KIFC3: variants seen among roughly 807,000 people sequenced by gnomAD.
KIFC3 encodes the protein kinesin-like protein KIFC3.
In KIFC3, 60 loss-of-function variants were observed where a neutral mutation model predicts 101.8. The ratio of observed to expected loss-of-function variants is 0.59; its 90% CI spans 0.48 to 0.73. KIFC3 has a LOEUF of 0.73. Ranked by LOEUF, KIFC3 falls within the 30% of genes least tolerant of loss-of-function variation. KIFC3 has a pLI of 0.00. For synonymous variants in KIFC3, 476 were observed against 482.7 expected, an observed-to-expected ratio of 0.99 and a Z score of 0.18; for missense variants, 966 against 1,137.1, an observed-to-expected ratio of 0.85 and a Z score of 2.16.
chr16:57,803,471 C>T (rs1458201998), upstream of KIFC3: 6 of 455,158 alleles, frequency 1.3e-5, no homozygotes, highest in South Asian at 3.2e-5. Context: ...CCCAGGAGGG[C>T]GGGTACTCTG....
At chr16:57,772,660 T>C (rs1555609563) in intron 3 of KIFC3, among the ~76,000 whole-genome samples, 1 of 152,022 alleles carries the variant, frequency 6.6e-6, no homozygotes, top group Non-Finnish European at 1.5e-5. Flanking sequence ...CCTGTGTCTA[T>C]GTAATTTTAT....
chr16:57,824,116 G>A (rs112045652), intron 1 of KIFC3, among the ~76,000 whole-genome samples: 1,753 of 152,310 alleles, frequency 0.012, 33 homozygotes, highest in African/African-American at 0.039. Flanking sequence ...GGTTGTCCTG[G>A]TTTTGGCACT....
chr16:57,780,433 C>G (rs564769221), intron 3 of KIFC3, among the ~76,000 whole-genome samples: 1 of 152,014 alleles, frequency 6.6e-6, no homozygotes, highest in East Asian at 2.0e-4. Flanking sequence ...ATTCCTTGAA[C>G]TCAGGAGGCA....
chr16:57,808,210 T>TA (rs560989229), upstream of KIFC3, among the ~76,000 whole-genome samples: 2,580 of 152,028 alleles, frequency 0.017, 72 homozygotes, highest in African/African-American at 0.059. Context: ...CCTGTAGTCT[T>TA]AAAAAAATGA....
chr16:57,765,321 G>A (rs2050362251), intron 11 of KIFC3, 138 bp downstream of exon 11: 1 of 832,002 alleles, frequency 1.2e-6, no homozygotes, highest in Non-Finnish European at 1.8e-6. Flanking sequence ...AGAGGAAGGA[G>A]CAGGACCCTG....
rs1049818116 is a variant in KIFC3, at chr16:57,765,781, A to G, written c.1331-141T>C. 1.6e-5 allele frequency: 11 copies of G among 686,816 alleles called. 1 individual carries two copies. The highest frequency in any genetic ancestry group is 2.9e-5 in the Admixed American group (1 of 34,058). The allele number at this position is 686,816 out of a possible 1,614,324, so 42.5% of individuals were successfully genotyped here. A position where few individuals can be genotyped will look rare whatever the true frequency, so the allele number is the denominator to read the frequency against. On this transcript the variant is annotated intron_variant, in intron 10 of 19. Transcript: ENST00000445690. ...ACAGCCCCCTAGGGGAAGGGGGCCC[A>G]CAAAGCTGTTATCCGTCATTCACAC...
At chr16:57,777,659 C>T (rs2967160) in intron 3 of KIFC3, among the ~76,000 whole-genome samples, 105,459 of 151,576 alleles carry the variant, frequency 0.7, 38,175 homozygotes, top group Non-Finnish European at 0.79. Flanking sequence ...AGGCAGAGGT[C>T]GCAGTGAGCT....
At chr16:57,815,359 G>T in intron 1 of KIFC3, 11 of 1,013,952 alleles carry the variant, frequency 1.1e-5, no homozygotes, top group Non-Finnish European at 1.1e-5. Context: ...TTAGCTCAAG[G>T]CCACAGGTAC....
At chr16:57,819,904 T>C (rs2149274931) in intron 1 of KIFC3, among the ~76,000 whole-genome samples, 1 of 152,254 alleles carries the variant, frequency 6.6e-6, no homozygotes, top group South Asian at 2.1e-4. Context: ...GTTTCATTCT[T>C]GTTGCCCAGG....
At chr16:57,797,342 G>A (rs1008687828) in intron 2 of KIFC3, among the ~76,000 whole-genome samples, 2 of 152,316 alleles carry the variant, frequency 1.3e-5, no homozygotes, top group East Asian at 1.9e-4. Flanking sequence ...CACTACCAGG[G>A]CGACCTGCCC....
At chr16:57,811,918 CAA>C (rs533115992) in intron 1 of KIFC3, among the ~76,000 whole-genome samples, 87,072 of 107,836 alleles carry the variant, frequency 0.81, 34,932 homozygotes, top group Non-Finnish European at 0.89. Context: ...GACTCCGTCT[CAA>C]AAAAAAAAAA....
intron 1 of KIFC3, among the ~76,000 whole-genome samples, chr16:57,827,213 G>A (rs2149287551): frequency 6.6e-6 from 1 of 152,352 alleles, no homozygotes; most frequent in Admixed American, 6.5e-5. Context: ...GTGGCTGGTG[G>A]GAGCCTGGCG....
intron 1 of KIFC3, among the ~76,000 whole-genome samples, chr16:57,821,121 C>T: frequency 7.0e-6 from 1 of 143,416 alleles, no homozygotes; most frequent in East Asian, 1.9e-4. Flanking sequence ...ACACAGCAAG[C>T]CTGTGTATTA....
intron 17 of KIFC3, chr16:57,760,052 G>A (rs1407606941): frequency 1.9e-5 from 12 of 618,786 alleles, no homozygotes; most frequent in Non-Finnish European, 3.1e-5. Flanking sequence ...CATCTACTAT[G>A]TGCCACCCCC....
intron 3 of KIFC3, among the ~76,000 whole-genome samples, chr16:57,790,380 C>CTTT (rs200519923): frequency 1.0e-4 from 13 of 129,178 alleles, no homozygotes; most frequent in African/African-American, 1.8e-4. Context: ...CCATGCCCAG[C>CTTT]TTTTTTTTTT....
At chr16:57,848,888 C>A (rs559872602) in intron 1 of KIFC3, among the ~76,000 whole-genome samples, 1 of 152,264 alleles carries the variant, frequency 6.6e-6, no homozygotes, top group South Asian at 2.1e-4. Context: ...ACTTTGTTTT[C>A]AAGGTGAAAA....
At chr16:57,831,546 C>G (rs1328572392) in intron 1 of KIFC3, among the ~76,000 whole-genome samples, 1 of 152,092 alleles carries the variant, frequency 6.6e-6, no homozygotes, top group East Asian at 1.9e-4. Flanking sequence ...TTTAATTAGC[C>G]AGGCATGGTG....
chr16:57,829,636 C>T lies in KIFC3; in HGVS notation c.109-31354G>A, dbSNP rs533964251. Among the ~76,000 whole-genome samples the T allele has an allele frequency of 8.5e-4, 130 of 152,306 alleles. 1 individual carries two copies. In the South Asian group the frequency reaches 0.012, roughly 14 times the overall value. ...AGTACCTAGGGCTCAGGAAAGTCAC[C>T]ATGCAGCCCTGAATAGGTAGACCTT... On this transcript the variant is annotated intron_variant, in intron 1 of 2. Coordinates refer to the KIFC3 transcript ENST00000563028.
upstream of KIFC3, among the ~76,000 whole-genome samples, chr16:57,806,176 C>A (rs1359067574): frequency 6.6e-6 from 1 of 152,204 alleles, no homozygotes; most frequent in Non-Finnish European, 1.5e-5. Context: ...TAATCTGATT[C>A]TCATAGCAAC....
Sources: gnomAD v4.1 joint callset for allele counts (sites outside exome capture counted in the v4.1 genomes callset) on GRCh38, gnomAD v4.1.1 for gene constraint, MANE v1.5 for transcripts, NCBI Gene and HGNC (gene_info 2026-07-23, HGNC 2026-07-21) for gene names.